SYT11: variants seen among roughly 807,000 people sequenced by gnomAD.
The protein encoded by SYT11 is synaptotagmin-11.
A neutral mutation model predicts 30.4 loss-of-function variants in SYT11; 12 were observed. The ratio of observed to expected loss-of-function variants is 0.39; its 90% confidence interval spans 0.25 to 0.64. SYT11 has a LOEUF of 0.64. Among genes scored for constraint, SYT11 ranks in the 30% least tolerant of loss-of-function variants. SYT11 has a pLI of 0.45. For synonymous variants in SYT11, 204 were observed against 216.0 expected (o/e 0.94, Z 0.49); for missense variants, 412 against 552.0 (o/e 0.75, Z 2.54).
At chr1:155,862,448 A>T (rs936551376) in intron 1 of SYT11, among the ~76,000 whole-genome samples, 14 of 152,356 alleles carry the variant, frequency 9.2e-5, no homozygotes, top group African/African-American at 3.4e-4. Context: ...AAGAACAGCA[A>T]AAATAGGAAA....
intron 3 of SYT11, among the ~76,000 whole-genome samples, chr1:155,880,853 A>G (rs1672949711): frequency 6.6e-6 from 1 of 152,272 alleles, no homozygotes; most frequent in Admixed American, 6.5e-5. Context: ...AGGTATCCTA[A>G]ATAATATTCA....
chr1:155,870,295 G>A (rs1274891732), intron 2 of SYT11, among the ~76,000 whole-genome samples: 5 of 152,202 alleles, frequency 3.3e-5, no homozygotes, highest in Non-Finnish European at 7.3e-5. Context: ...CTAAGTCTCA[G>A]TTTCTTATGG....
intron 1 of SYT11, among the ~76,000 whole-genome samples, chr1:155,865,865 A>G (rs1672663968): frequency 6.6e-6 from 1 of 151,730 alleles, no homozygotes; most frequent in Non-Finnish European, 1.5e-5. Context: ...TTTTTTGTGT[A>G]GAGATGGGGT....
chr1:155,868,157 T>A lies in SYT11; in HGVS notation c.227T>A (p.Ile76Asn). The A allele has an allele frequency of 6.2e-7, 1 of 1,613,872 alleles. No homozygotes were observed. The highest frequency in any genetic ancestry group is 8.5e-7 in the Non-Finnish European group (1 of 1,179,974). Residue 76 changes from isoleucine (I) to asparagine (N), a missense_variant, in exon 2 of 4, where the codon ATC becomes AAC. Ile to Asn is a moderately radical substitution (Grantham distance 149, BLOSUM62 -3). Transcript: ENST00000368324. This position sits in a 1 kb window ranked among gnomAD's most constrained non-coding sequence, Gnocchi z 4.7. ...PETLSNKKKI[I>N]KVRRDKDGPG... ...ACCCTCAGCAACAAGAAGAAAATCA[T>A]CAAAGTGCGGAGAGACAAAGATGGT... is the stretch of plus-strand genomic sequence containing the variant.
intron 2 of SYT11, among the ~76,000 whole-genome samples, chr1:155,878,805 T>C (rs1208228029): frequency 6.6e-6 from 1 of 151,768 alleles, no homozygotes; most frequent in Non-Finnish European, 1.5e-5. Flanking sequence ...AGGCGGAGGT[T>C]GCAGTGAGCC....
intron 1 of SYT11, among the ~76,000 whole-genome samples, chr1:155,866,355 A>T (rs1672675269): frequency 6.6e-6 from 1 of 152,064 alleles, no homozygotes; most frequent in Non-Finnish European, 1.5e-5. Context: ...GACCTCAGGT[A>T]ATCTGCCTGC....
At chr1:155,872,772 T>G (rs1359398135) in intron 2 of SYT11, among the ~76,000 whole-genome samples, 1 of 152,076 alleles carries the variant, frequency 6.6e-6, no homozygotes, top group Admixed American at 6.5e-5. Context: ...GGGAATGACA[T>G]TAAATTGCCT....
At chr1:155,875,303 G>A (rs996587135) in intron 2 of SYT11, among the ~76,000 whole-genome samples, 2 of 149,528 alleles carry the variant, frequency 1.3e-5, no homozygotes, top group Non-Finnish European at 3.0e-5. Flanking sequence ...AGGACAAAAT[G>A]TGGGGCTTCT....
intron 1 of SYT11, among the ~76,000 whole-genome samples, chr1:155,865,809 C>T (rs188127078): frequency 2.0e-4 from 30 of 151,956 alleles, no homozygotes; most frequent in Non-Finnish European, 3.7e-4. Flanking sequence ...TCCCAAATAG[C>T]TGGGACTACA....
rs192505769 is a variant in SYT11 at position 155,881,890 on chromosome 1, G to A, written c.*382G>A. ...ATTACAGGCACCCACGAGCATGCCCGGCTAATTTTTTGTATTTTCAGTAGA... is the reference window on the plus strand; with the variant it reads ...ATTACAGGCACCCACGAGCATGCCCAGCTAATTTTTTGTATTTTCAGTAGA... On this transcript the variant is annotated 3_prime_UTR_variant, in exon 4 of 4. Transcript: ENST00000368324. 206 of 155,566 alleles carry A rather than the reference G, an allele frequency of 1.3e-3. No homozygotes were observed. The highest frequency in any genetic ancestry group is 2.2e-3 in the Non-Finnish European group (152 of 70,526). 9.6% of individuals were successfully genotyped at this position (155,566 alleles called of 1,614,324 possible).
intron 2 of SYT11, among the ~76,000 whole-genome samples, chr1:155,874,704 C>T (rs959520592): frequency 3.4e-5 from 5 of 147,358 alleles, no homozygotes; most frequent in Non-Finnish European, 7.5e-5. Context: ...TCCTGGCTAA[C>T]ACGGTGAAAC....
At chr1:155,879,994 G>C (rs955534150) in intron 2 of SYT11, among the ~76,000 whole-genome samples, 3 of 152,074 alleles carry the variant, frequency 2.0e-5, no homozygotes, top group African/African-American at 7.2e-5. Flanking sequence ...AGGAATTCAA[G>C]ACCAGCCTGG....
chr1:155,881,062 C>T, intron 3 of SYT11, 136 bp from the exon 4 acceptor site: 2 of 971,574 alleles, frequency 2.1e-6, no homozygotes, highest in Non-Finnish European at 3.1e-6. Flanking sequence ...TGTGCAATCA[C>T]TAAAGAACAC....
At chr1:155,869,560 C>T (rs1379225727) in intron 2 of SYT11, among the ~76,000 whole-genome samples, 4 of 152,182 alleles carry the variant, frequency 2.6e-5, no homozygotes, top group Non-Finnish European at 5.9e-5. Context: ...GCATGAGCCA[C>T]TGCACCCAGC....
intron 1 of SYT11, among the ~76,000 whole-genome samples, chr1:155,864,026 A>G (rs570067820): frequency 3.3e-5 from 5 of 152,198 alleles, no homozygotes; most frequent in Non-Finnish European, 5.9e-5. Flanking sequence ...AGCTTCAGTA[A>G]GCTGCGATCA....
In SYT11 at chr1:155,868,142, A is replaced by G; in HGVS notation, c.212A>G (p.Asn71Ser). The change falls in exon 2 of 4, where the codon AAC becomes AGC. Residue 71 changes from asparagine to serine, a missense_variant. Transcript: ENST00000368324. The surrounding 1 kb of genome is among the most constrained non-coding windows in gnomAD (Gnocchi z 4.7). ...AGCATATACCCAGAGACCCTCAGCA[A>G]CAAGAAGAAAATCATCAAAGTGCGG... is the stretch of plus-strand genomic sequence containing the variant. ...GISIYPETLSNKKKIIKVRRD... is the reference protein window; with the variant it reads ...GISIYPETLSSKKKIIKVRRD... 6.2e-7 allele frequency: 1 copy of G among 1,614,082 alleles called. No individual in the cohort carries two copies. The highest frequency in any genetic ancestry group is 8.5e-7 in the Non-Finnish European group (1 of 1,180,016).
rs1414815517 is a variant in SYT11 at position 155,882,716 on chromosome 1, A to G, written c.*1208A>G. Reference sequence around the variant, plus strand: ...AGGTATAAGGACAAGGAGAGGAGACAAGTGACGACAGCCATTCCCCTTTGC... The same window carrying G: ...AGGTATAAGGACAAGGAGAGGAGACGAGTGACGACAGCCATTCCCCTTTGC... On this transcript the variant is annotated 3_prime_UTR_variant, in exon 4 of 4. Transcript: ENST00000368324. The G allele has an allele frequency of 6.6e-6, 1 of 152,378 alleles. No individual in the cohort carries two copies. The highest frequency in any genetic ancestry group is 1.5e-5 in the Non-Finnish European group (1 of 68,056). 9.4% of individuals were successfully genotyped at this position (152,378 alleles called of 1,614,324 possible).
chr1:155,864,708 C>CTT (rs773089384), intron 1 of SYT11, among the ~76,000 whole-genome samples: 4,087 of 128,230 alleles, frequency 0.032, 144 homozygotes, highest in Non-Finnish European at 0.043. Context: ...TGACTCAATC[C>CTT]TTTTTTTTTT....
At chr1:155,862,652 A>G (rs527440994) in intron 1 of SYT11, among the ~76,000 whole-genome samples, 12 of 152,342 alleles carry the variant, frequency 7.9e-5, no homozygotes, top group African/African-American at 2.6e-4. Context: ...CCTCCACCGC[A>G]CTGCTGCAGG....
Sources: gnomAD v4.1 joint callset for allele counts (sites outside exome capture counted in the v4.1 genomes callset) on GRCh38, gnomAD v4.1.1 for gene constraint, Gnocchi (gnomAD v3.1) non-coding constraint, MANE v1.5 for transcripts, NCBI Gene and HGNC (gene_info 2026-07-23, HGNC 2026-07-21) for gene names.